Variants in TMEM163 observed in about 807,000 individuals in gnomAD.
TMEM163 encodes the protein transmembrane protein 163.
A neutral mutation model predicts 29.3 loss-of-function variants in TMEM163; 17 were observed. The observed-to-expected ratio is 0.58, with a 90% CI of 0.40 to 0.87. The LOEUF is 0.87. TMEM163 is among the 40% of genes least tolerant of loss of function. The probability of loss-of-function intolerance (pLI) is 0.00; values close to 1 mark genes in which losing one functional copy is unlikely to be tolerated. For synonymous variants in TMEM163, 157 were observed against 160.6 expected (o/e 0.98, Z 0.17); for missense variants, 303 against 381.5 (o/e 0.79, Z 1.71).
chr2:134,658,315 T>G (rs1406884930), intron 2 of TMEM163, among the ~76,000 whole-genome samples: 1 of 152,236 alleles, frequency 6.6e-6, no homozygotes, highest in African/African-American at 2.4e-5. Context: ...GAATTCAGGA[T>G]TCTACTTGTT....
chr2:134,718,371 G>A (rs1685083285), intron 1 of TMEM163, among the ~76,000 whole-genome samples: 1 of 152,240 alleles, frequency 6.6e-6, no homozygotes, highest in African/African-American at 2.4e-5. Context: ...CCTCCGAGCT[G>A]AGTAGGGCCC....
chr2:134,554,670 T>C (rs1681009623), intron 2 of TMEM163, among the ~76,000 whole-genome samples: 1 of 152,148 alleles, frequency 6.6e-6, no homozygotes, highest in African/African-American at 2.4e-5. Context: ...GTCTCAGGAA[T>C]CTGGACTCAA....
At chr2:134,532,125 C>G (rs1454656356) in intron 4 of TMEM163, among the ~76,000 whole-genome samples, 1 of 152,202 alleles carries the variant, frequency 6.6e-6, no homozygotes, top group Non-Finnish European at 1.5e-5. Flanking sequence ...GTGCATTCAG[C>G]ACGAGACCAT....
intron 2 of TMEM163, among the ~76,000 whole-genome samples, chr2:134,585,956 G>A (rs1044329339): frequency 2.6e-5 from 4 of 152,140 alleles, no homozygotes; most frequent in African/African-American, 9.7e-5. Flanking sequence ...GTTCCTCCCA[G>A]GGAAGATTTT....
chr2:134,566,490 G>T (rs1345766463), intron 2 of TMEM163, among the ~76,000 whole-genome samples: 1 of 152,136 alleles, frequency 6.6e-6, no homozygotes, highest in Admixed American at 6.5e-5. Context: ...TTGAACCAGG[G>T]AGGTGGAGCT....
chr2:134,476,113 T>C (rs1424734712), intron 5 of TMEM163, among the ~76,000 whole-genome samples: 1 of 152,242 alleles, frequency 6.6e-6, no homozygotes, highest in Non-Finnish European at 1.5e-5. Flanking sequence ...AACTGTCATC[T>C]GTCCAGACAA....
At chr2:134,508,288 T>G (rs916227110) in intron 4 of TMEM163, among the ~76,000 whole-genome samples, 4 of 152,230 alleles carry the variant, frequency 2.6e-5, no homozygotes, top group Non-Finnish European at 1.5e-5. Flanking sequence ...CCCTGGTGAT[T>G]AACCAATTCA....
intron 4 of TMEM163, among the ~76,000 whole-genome samples, chr2:134,504,138 T>A (rs1267979906): frequency 3.7e-4 from 57 of 152,156 alleles, no homozygotes; most frequent in Admixed American, 3.7e-3. Context: ...ATTGCTCACC[T>A]AATTTTGAAG....
intron 1 of TMEM163, chr2:134,713,679 C>T: frequency 2.1e-6 from 1 of 468,180 alleles, no homozygotes; most frequent in Non-Finnish European, 4.3e-6. Flanking sequence ...GCCCACAAGA[C>T]CTTTCTGTTA....
intron 6 of TMEM163, chr2:134,458,432 G>C: frequency 2.1e-6 from 1 of 483,540 alleles, no homozygotes; most frequent in South Asian, 2.4e-5. Context: ...GCCATATGTG[G>C]TTTATAGCTG....
intron 2 of TMEM163, among the ~76,000 whole-genome samples, chr2:134,576,994 C>G (rs897029103): frequency 6.6e-6 from 1 of 152,162 alleles, no homozygotes; most frequent in Non-Finnish European, 1.5e-5. Flanking sequence ...TGCCATGTTC[C>G]GATTCCTCTG....
At chr2:134,586,959 C>T (rs1343519253) in intron 2 of TMEM163, among the ~76,000 whole-genome samples, 1 of 152,142 alleles carries the variant, frequency 6.6e-6, no homozygotes, top group African/African-American at 2.4e-5. Flanking sequence ...ACTTCCTTTC[C>T]CATGAAACCT....
At chr2:134,567,708 TAATA>T (rs1207183563) in intron 2 of TMEM163, among the ~76,000 whole-genome samples, 1 of 152,198 alleles carries the variant, frequency 6.6e-6, no homozygotes, top group East Asian at 1.9e-4. Context: ...TAAATAATAA[TAATA>T]AAGAGTCAGA....
In TMEM163 at chr2:134,709,020, T is replaced by G. The variant is rs187316164; in HGVS notation, c.322+4180A>C. 4.6e-3 allele frequency among the ~76,000 whole-genome samples: 694 copies of G among 152,344 alleles called. 3 individuals carry two copies. Among genetic ancestry groups the G allele is most frequent in the Admixed American group, 0.018 (272 of 15,304 alleles). On this transcript the variant is annotated intron_variant, in intron 2 of 7. Transcript: ENST00000281924. ...ATATGTCTTCATTTCCCACAGAACA[T>G]GTATTGAGTGCCTAAAAATTAACTT...
rs530391892 is a variant in TMEM163, at chr2:134,616,981, G to A, written c.323-64890C>T. On this transcript the variant is annotated intron_variant, in intron 2 of 7. Transcript: ENST00000281924. The stretch of plus-strand genomic sequence containing the variant: ...GGAAAATGACTCCATATGGTAACAT[G>A]AATGCACAGCAAGAGATAAAGAGTA... Among the ~76,000 whole-genome samples, 13 of 152,300 alleles carry A rather than the reference G, an allele frequency of 8.5e-5. 1 individual carries two copies. In the South Asian group the frequency reaches 2.7e-3, roughly 32 times the overall value.
chr2:134,516,576 T>A (rs543392074), intron 4 of TMEM163, among the ~76,000 whole-genome samples: 96 of 149,220 alleles, frequency 6.4e-4, no homozygotes, highest in African/African-American at 1.8e-3. Context: ...TAAATAAATA[T>A]ATATATATTC....
chr2:134,585,465 C>T (rs907483975), intron 2 of TMEM163, among the ~76,000 whole-genome samples: 4 of 152,108 alleles, frequency 2.6e-5, no homozygotes, highest in Non-Finnish European at 4.4e-5. Flanking sequence ...CTGGAATGGC[C>T]GAGTGGGGTG....
chr2:134,615,666 T>C (rs924055377), intron 2 of TMEM163, among the ~76,000 whole-genome samples: 1 of 147,150 alleles, frequency 6.8e-6, no homozygotes, highest in Admixed American at 6.8e-5. Flanking sequence ...TTTTTTTTTT[T>C]TTTTTTTTGA....
At chr2:134,679,443 C>T (rs1684184573) in intron 2 of TMEM163, among the ~76,000 whole-genome samples, 1 of 152,010 alleles carries the variant, frequency 6.6e-6, no homozygotes, top group African/African-American at 2.4e-5. Flanking sequence ...TATGTCATGG[C>T]CTTGCCTAGG....
Sources: allele counts gnomAD v4.1 joint callset (sites outside exome capture counted in the v4.1 genomes callset), GRCh38; gene constraint gnomAD v4.1.1; transcripts MANE v1.5; gene names NCBI Gene and HGNC (gene_info 2026-07-23, HGNC 2026-07-21).